GFRAL: variants seen among roughly 807,000 people sequenced by gnomAD.
GFRAL encodes GDNF family receptor alpha like.
In GFRAL, 36 loss-of-function variants were observed where a neutral mutation model predicts 45.4. The ratio of observed to expected loss-of-function variants is 0.79; its 90% CI spans 0.61 to 1.05. GFRAL has a LOEUF of 1.05. Ranked by LOEUF, GFRAL falls within the 50% of genes least tolerant of loss-of-function variation. GFRAL has a pLI of 0.00. For missense variants in GFRAL, 507 were observed against 467.5 expected, an observed-to-expected ratio of 1.08 and a Z score of -0.78; for synonymous variants, 166 against 154.1, an observed-to-expected ratio of 1.08 and a Z score of -0.57.
chr6:55,336,862 T>A (rs1273944166), intron 3 of GFRAL, among the ~76,000 whole-genome samples: 2 of 152,086 alleles, frequency 1.3e-5, no homozygotes, highest in African/African-American at 4.8e-5. Flanking sequence ...TCTTTGCAGG[T>A]TCTCTTTATC....
chr6:55,372,371 T>C (rs1417845395), intron 6 of GFRAL, among the ~76,000 whole-genome samples: 1 of 152,174 alleles, frequency 6.6e-6, no homozygotes, highest in Non-Finnish European at 1.5e-5. Flanking sequence ...TCCAACCCAA[T>C]TGCCTGTCCT....
chr6:55,345,119 A>G (rs1404406182), intron 3 of GFRAL, among the ~76,000 whole-genome samples: 1 of 152,162 alleles, frequency 6.6e-6, no homozygotes. Flanking sequence ...ATACTGCCCA[A>G]GGTAATTTAT....
intron 5 of GFRAL, among the ~76,000 whole-genome samples, chr6:55,354,238 T>C (rs958772259): frequency 2.6e-5 from 4 of 151,968 alleles, no homozygotes; most frequent in African/African-American, 9.7e-5. Flanking sequence ...AAGCACACAC[T>C]CTTACACTAA....
At chr6:55,357,583 T>A (rs1223942180) in intron 5 of GFRAL, among the ~76,000 whole-genome samples, 1 of 151,780 alleles carries the variant, frequency 6.6e-6, no homozygotes, top group Non-Finnish European at 1.5e-5. Context: ...TTCTTAGAGG[T>A]AACAGATCAT....
intron 6 of GFRAL, among the ~76,000 whole-genome samples, chr6:55,376,323 T>A (rs1350306207): frequency 3.3e-5 from 5 of 152,056 alleles, no homozygotes; most frequent in Admixed American, 6.6e-5. Flanking sequence ...AGTTTTCTTA[T>A]TTTTGTTGCA....
intron 4 of GFRAL, among the ~76,000 whole-genome samples, chr6:55,350,822 A>G (rs538620462): frequency 6.6e-6 from 1 of 152,292 alleles, no homozygotes; most frequent in Non-Finnish European, 1.5e-5. Context: ...TATATATGCT[A>G]GAATAAATAT....
rs186075294 is a variant in GFRAL, at chr6:55,369,281, A to G, written c.952+10143A>G. Among the ~76,000 whole-genome samples the G allele has an allele frequency of 4.3e-3, 650 of 152,310 alleles. 6 individuals carry two copies. The highest frequency in any genetic ancestry group is 0.015 in the African/African-American group (617 of 41,550). On this transcript the variant is annotated intron_variant, in intron 6 of 8. Coordinates refer to ENST00000340465, the MANE Select transcript of GFRAL (RefSeq NM_207410.2). The stretch of plus-strand genomic sequence containing the variant: ...CCCCTTGCGCTTCCCAAGTGAGGCA[A>G]TGCCTCGCCCTGCTTCGGCTCACGC...
intron 2 of GFRAL, 21 bp from the exon 3 acceptor site, chr6:55,333,765 T>C (rs1326657380): frequency 6.5e-7 from 1 of 1,544,878 alleles, no homozygotes; most frequent in African/African-American, 1.4e-5. Flanking sequence ...ATATCTATAG[T>C]GTTATGTGTT....
At chr6:55,350,012 T>C in intron 3 of GFRAL, 80 bp from the exon 4 acceptor site, 1 of 818,254 alleles carries the variant, frequency 1.2e-6, no homozygotes, top group South Asian at 1.4e-5. Flanking sequence ...ACTTTACTCA[T>C]TTATAAATGT....
At chr6:55,375,095 T>G (rs1324869452) in intron 6 of GFRAL, among the ~76,000 whole-genome samples, 1 of 152,174 alleles carries the variant, frequency 6.6e-6, no homozygotes, top group African/African-American at 2.4e-5. Flanking sequence ...AGGACTGTCT[T>G]GGCTATTTCG....
chr6:55,371,736 T>C (rs549856200), intron 6 of GFRAL, among the ~76,000 whole-genome samples: 10 of 152,362 alleles, frequency 6.6e-5, no homozygotes, highest in Admixed American at 5.9e-4. Flanking sequence ...TTAGTCATTG[T>C]CTTGTGGTAG....
intron 6 of GFRAL, among the ~76,000 whole-genome samples, chr6:55,364,309 T>C (rs575613564): frequency 0.013 from 2,033 of 151,150 alleles, 49 homozygotes; most frequent in African/African-American, 0.046. Context: ...TGTAAATTTG[T>C]TTTAGTTCAT....
chr6:55,357,616 G>T (rs931789820), intron 5 of GFRAL, among the ~76,000 whole-genome samples: 1 of 151,106 alleles, frequency 6.6e-6, no homozygotes, highest in Non-Finnish European at 1.5e-5. Context: ...TTTTTAATCC[G>T]TTTAATCCAT....
At chr6:55,384,863 CAAA>C (rs34292413) in intron 6 of GFRAL, among the ~76,000 whole-genome samples, 12 of 140,510 alleles carry the variant, frequency 8.5e-5, no homozygotes, top group African/African-American at 2.4e-4. Context: ...CAAAAAGCAG[CAAA>C]AAAAAAAAAA....
chr6:55,358,200 T>C (rs1186331467), intron 5 of GFRAL, among the ~76,000 whole-genome samples: 3 of 151,952 alleles, frequency 2.0e-5, no homozygotes, highest in East Asian at 1.9e-4. Context: ...ACATGTTTGA[T>C]GTCAACCTAT....
chr6:55,357,012 CTT>C (rs1768204293), intron 5 of GFRAL, among the ~76,000 whole-genome samples: 1 of 151,782 alleles, frequency 6.6e-6, no homozygotes, highest in African/African-American at 2.4e-5. Context: ...CAAAGTTCCT[CTT>C]GTCATTGATT....
At position 55,386,574 on chromosome 6, in the gene GFRAL, C is replaced by G. The variant is rs563414599; in HGVS notation, c.953-12606C>G. Among the ~76,000 whole-genome samples the G allele has an allele frequency of 3.2e-4, 49 of 152,240 alleles. No homozygotes were observed. The South Asian group carries it at 9.7e-3, about 30-fold the overall frequency. On this transcript the variant is annotated intron_variant, in intron 6 of 8. Transcript: ENST00000340465. The stretch of plus-strand genomic sequence containing the variant: ...AGAGAGACCCAGCTTCCCCTCATCT[C>G]TCTCAAGATTTGACTAAGAGAGGCA...
chr6:55,361,191 A>C (rs996504556), intron 6 of GFRAL, among the ~76,000 whole-genome samples: 2 of 151,968 alleles, frequency 1.3e-5, no homozygotes, highest in Non-Finnish European at 2.9e-5. Flanking sequence ...AATATTACCT[A>C]CTAAGACTAG....
In GFRAL at chr6:55,378,159, G is replaced by A. The variant is rs116391833; in HGVS notation, c.952+19021G>A. On this transcript the variant is annotated intron_variant, in intron 6 of 8. Transcript: ENST00000340465. ...CATTTCGTGCTTCAGTGGCAGAAAAGTACTGGGAAAAGAAAAATGAAAAGC... is the reference window on the plus strand; with the variant it reads ...CATTTCGTGCTTCAGTGGCAGAAAAATACTGGGAAAAGAAAAATGAAAAGC... Among the ~76,000 whole-genome samples, 867 of 152,054 alleles carry A rather than the reference G, an allele frequency of 5.7e-3. 9 individuals carry two copies. Among genetic ancestry groups the A allele is most frequent in the African/African-American group, 0.02 (842 of 41,514 alleles).
Sources: allele counts gnomAD v4.1 joint callset (sites outside exome capture counted in the v4.1 genomes callset), GRCh38; gene constraint gnomAD v4.1.1; transcripts MANE v1.5; gene names NCBI Gene and HGNC (gene_info 2026-07-23, HGNC 2026-07-21).